ABCE1: variants seen among roughly 807,000 people sequenced by gnomAD.
The protein encoded by ABCE1 is ATP-binding cassette sub-family E member 1.
Under a neutral mutation model 83.4 loss-of-function variants are expected in ABCE1, and 22 were observed. The observed-to-expected ratio is 0.26, with a 90% CI of 0.19 to 0.38. The LOEUF (loss-of-function observed/expected upper bound fraction) is 0.38, where lower values mean the gene tolerates loss of function less well. Among genes scored for constraint, ABCE1 ranks in the 10% least tolerant of loss-of-function variants. ABCE1 has a pLI of 1.00. For missense variants in ABCE1, 330 were observed against 721.9 expected (o/e 0.46, Z 6.22); for synonymous variants, 204 against 233.7 (o/e 0.87, Z 1.16).
At chr4:145,110,352 C>T (rs1173552915) in intron 6 of ABCE1, 23 bp from the exon 7 acceptor site, 1 of 1,606,842 alleles carries the variant, frequency 6.2e-7, no homozygotes, top group African/African-American at 1.3e-5. Context: ...AAAATAGTAA[C>T]TGTTTTTGGT....
chr4:145,121,550 A>G, intron 13 of ABCE1, 159 bp downstream of exon 13: 1 of 598,410 alleles, frequency 1.7e-6, no homozygotes, highest in East Asian at 2.9e-5. Flanking sequence ...CTTGATTCAT[A>G]TCCACTGCTA....
intron 7 of ABCE1, 21 bp from the exon 8 acceptor site, chr4:145,110,947 A>G (rs1749453784): frequency 2.0e-6 from 3 of 1,527,636 alleles, no homozygotes; most frequent in Non-Finnish European, 1.8e-6. Flanking sequence ...ATTGAGCACA[A>G]TGCCTCTATG....
chr4:145,110,383 G>A lies in ABCE1; in HGVS notation c.552G>A (p.Val184=). Reference sequence around the variant, plus strand: ...TTGGTATATTGTGGCAGGGGACAGTGGGATCTATTTTGGACCGAAAAGATG... The same window carrying A: ...TTGGTATATTGTGGCAGGGGACAGTAGGATCTATTTTGGACCGAAAAGATG... ...DQIPKAAKGT[V]GSILDRKDET... Residue 184 remains valine (V), a synonymous_variant, in exon 7 of 18, where the codon GTG becomes GTA. Transcript: ENST00000296577. The A allele has an allele frequency of 6.2e-7, 1 of 1,612,378 alleles. No individual in the cohort carries two copies.
rs1241998338 is a variant in ABCE1 at position 145,127,782 on chromosome 4, T to G, written c.*209T>G. The stretch of plus-strand genomic sequence containing the variant: ...CTTTTCTGTTCCTGAAGAGGCTCTT[T>G]TGTGCATAATATTCTAAAATGAAGA... On this transcript the variant is annotated 3_prime_UTR_variant, in exon 18 of 18. Coordinates refer to ENST00000296577, the MANE Select transcript of ABCE1 (RefSeq NM_002940.3). 1 of 422,378 alleles carries G rather than the reference T, an allele frequency of 2.4e-6. No individual in the cohort carries two copies. The highest frequency in any genetic ancestry group is 2.1e-5 in the African/African-American group (1 of 47,774). The allele number at this position is 422,378 out of a possible 1,614,324, so 26.2% of individuals were successfully genotyped here. A position where few individuals can be genotyped will look rare whatever the true frequency, so the allele number is the denominator to read the frequency against.
intron 3 of ABCE1, among the ~76,000 whole-genome samples, chr4:145,106,535 C>G (rs956410796): frequency 1.3e-5 from 2 of 151,926 alleles, no homozygotes; most frequent in Non-Finnish European, 2.9e-5. Flanking sequence ...TCTGTTTTCT[C>G]TCTTTGTGCT....
At chr4:145,098,738 C>A (rs1579203033) in intron 1 of ABCE1, among the ~76,000 whole-genome samples, 1 of 146,404 alleles carries the variant, frequency 6.8e-6, no homozygotes, top group African/African-American at 2.8e-5. Context: ...TGAAGCTAAA[C>A]CTGCTGGAGA....
chr4:145,117,197 G>A, intron 9 of ABCE1, 96 bp from the exon 10 acceptor site: 1 of 1,065,038 alleles, frequency 9.4e-7, no homozygotes, highest in East Asian at 2.6e-5. Flanking sequence ...ATGTCTTTAT[G>A]CTTAAATTTT....
At chr4:145,105,551 C>T (rs751094500) in intron 2 of ABCE1, 54 bp from the exon 3 acceptor site, 49 of 1,333,742 alleles carry the variant, frequency 3.7e-5, no homozygotes, top group Non-Finnish European at 4.8e-5. Flanking sequence ...TAACAGTGTT[C>T]GGAAAATTAG....
intron 4 of ABCE1, among the ~76,000 whole-genome samples, chr4:145,108,363 T>C (rs996734270): frequency 2.6e-5 from 4 of 152,156 alleles, no homozygotes; most frequent in Non-Finnish European, 2.9e-5. Context: ...CATCATAGGG[T>C]CTGGACCTTA....
chr4:145,111,410 A>G (rs1579214375), intron 8 of ABCE1, among the ~76,000 whole-genome samples: 1 of 151,828 alleles, frequency 6.6e-6, no homozygotes, highest in African/African-American at 2.4e-5. Context: ...TACAAGCTCC[A>G]CCTCCCGGGT....
At chr4:145,102,489 G>A (rs1029523612) in intron 1 of ABCE1, among the ~76,000 whole-genome samples, 6 of 152,186 alleles carry the variant, frequency 3.9e-5, no homozygotes, top group Non-Finnish European at 5.9e-5. Context: ...GTCTTAGCCA[G>A]GGAAATACAT....
At chr4:145,121,541 T>C in intron 13 of ABCE1, 150 bp downstream of exon 13, 1 of 617,174 alleles carries the variant, frequency 1.6e-6, no homozygotes, top group Admixed American at 3.1e-5. Context: ...AGTCCAATCC[T>C]TGATTCATAT....
chr4:145,126,376 CCTCTGCCTCCCGAGTTCAAGCAATT>C (rs1273057120), intron 17 of ABCE1, among the ~76,000 whole-genome samples: 2 of 152,078 alleles, frequency 1.3e-5, no homozygotes, highest in African/African-American at 4.8e-5. Context: ...CTCACTACAA[CCTCTGCCTCCCGAGTTCAAGCAATT>C]CTCTGCCTCA....
intron 8 of ABCE1, among the ~76,000 whole-genome samples, chr4:145,111,377 G>A (rs1749468976): frequency 6.6e-6 from 1 of 152,210 alleles, no homozygotes; most frequent in African/African-American, 2.4e-5. Context: ...AGGCTGGAGT[G>A]CAGTGGCGCA....
intron 7 of ABCE1, 103 bp downstream of exon 7, chr4:145,110,547 C>A: frequency 1.8e-6 from 2 of 1,106,848 alleles, no homozygotes; most frequent in South Asian, 2.8e-5. Flanking sequence ...GCAACCTCTG[C>A]TTACCACAAC....
intron 9 of ABCE1, among the ~76,000 whole-genome samples, chr4:145,113,732 A>G (rs893064723): frequency 6.6e-6 from 1 of 152,142 alleles, no homozygotes; most frequent in African/African-American, 2.4e-5. Context: ...TAATGCTACT[A>G]AAAAAGCAAT....
intron 9 of ABCE1, among the ~76,000 whole-genome samples, chr4:145,116,112 C>T (rs1436126510): frequency 6.6e-6 from 1 of 151,734 alleles, no homozygotes; most frequent in Non-Finnish European, 1.5e-5. Flanking sequence ...CAGGAGACTA[C>T]TTAGAAAAAG....
rs1413667194 is a variant in ABCE1 at position 145,107,986 on chromosome 4, A to G, written c.190-29A>G. 31 of 1,557,308 alleles carry G rather than the reference A, an allele frequency of 2.0e-5. No individual in the cohort carries two copies. The Admixed American group carries it at 5.7e-4, about 28-fold the overall frequency. On this transcript the variant is annotated intron_variant, in intron 3 of 17. Transcript: ENST00000296577. ...TGTGTATATGTCTACAAATTAATAC[A>G]AAAATTAATTCTTTACTTTAAATAA... is the stretch of plus-strand genomic sequence containing the variant.
chr4:145,107,739 G>A (rs919990574), intron 3 of ABCE1, among the ~76,000 whole-genome samples: 1 of 152,170 alleles, frequency 6.6e-6, no homozygotes, highest in Non-Finnish European at 1.5e-5. Context: ...AGGTGCTCCA[G>A]GGCTGACTGC....
Sources: allele counts gnomAD v4.1 joint callset (sites outside exome capture counted in the v4.1 genomes callset), GRCh38; gene constraint gnomAD v4.1.1; transcripts MANE v1.5; gene names NCBI Gene and HGNC (gene_info 2026-07-23, HGNC 2026-07-21).